Variants in CCSER1 observed in about 807,000 individuals in gnomAD.
CCSER1 encodes serine-rich coiled-coil domain-containing protein 1.
In CCSER1, 41 loss-of-function variants were observed where a neutral mutation model predicts 82.0. The ratio of observed to expected loss-of-function variants is 0.50; its 90% CI spans 0.39 to 0.65. The LOEUF is 0.65. Ranked by LOEUF, CCSER1 falls within the 30% of genes least tolerant of loss-of-function variation. CCSER1 has a pLI of 0.00. For missense variants in CCSER1, 1,119 were observed against 1,064.2 expected, an observed-to-expected ratio of 1.05 and a Z score of -0.72; for synonymous variants, 414 against 383.9, an observed-to-expected ratio of 1.08 and a Z score of -0.92.
chr4:90,782,362 CTG>C lies in CCSER1; in HGVS notation c.2011-33397_2011-33396del, dbSNP rs1312325454. The stretch of plus-strand genomic sequence containing the variant: ...AATTAATATTTATTGAACTCCTTCT[CTG>C]TGAAAATTATTGGACTAGATGATTT... On this transcript the variant is annotated intron_variant, in intron 7 of 10. Transcript: ENST00000509176. 3.3e-5 allele frequency among the ~76,000 whole-genome samples: 5 copies of C among 152,280 alleles called. No homozygotes were observed. The South Asian group carries it at 8.3e-4, about 25-fold the overall frequency.
At chr4:91,013,475 T>C (rs1390825597) in intron 9 of CCSER1, among the ~76,000 whole-genome samples, 3 of 133,668 alleles carry the variant, frequency 2.2e-5, no homozygotes, top group African/African-American at 7.4e-5. Flanking sequence ...TTTAACATTG[T>C]AATATGATTT....
At chr4:91,327,575 G>T (rs1222884297) in intron 10 of CCSER1, among the ~76,000 whole-genome samples, 1 of 152,204 alleles carries the variant, frequency 6.6e-6, no homozygotes, top group Non-Finnish European at 1.5e-5. Flanking sequence ...TTTCCCCATT[G>T]TCTTGGCTTT....
At chr4:90,690,196 G>A (rs560998741) in intron 6 of CCSER1, among the ~76,000 whole-genome samples, 22 of 152,068 alleles carry the variant, frequency 1.4e-4, no homozygotes, top group South Asian at 8.3e-4. Context: ...AGTGTGATAC[G>A]TGCAATAATA....
At chr4:90,140,738 C>G (rs771190890) in intron 1 of CCSER1, among the ~76,000 whole-genome samples, 2 of 133,712 alleles carry the variant, frequency 1.5e-5, no homozygotes, top group Admixed American at 8.6e-5. Flanking sequence ...GATCTTGGCT[C>G]ACTGTAACCT....
At chr4:90,810,575 G>A (rs951467342) in intron 7 of CCSER1, among the ~76,000 whole-genome samples, 2 of 151,852 alleles carry the variant, frequency 1.3e-5, no homozygotes, top group Non-Finnish European at 2.9e-5. Flanking sequence ...AACCTGGGAG[G>A]CAGATGTTGC....
chr4:91,450,898 A>G (rs115090479), intron 10 of CCSER1, among the ~76,000 whole-genome samples: 1,922 of 152,038 alleles, frequency 0.013, 44 homozygotes, highest in African/African-American at 0.044. Flanking sequence ...CAGGATGGGA[A>G]AAAAGTTGTA....
chr4:91,441,824 A>G (rs999235193), intron 10 of CCSER1, among the ~76,000 whole-genome samples: 1 of 134,216 alleles, frequency 7.5e-6, no homozygotes, highest in African/African-American at 2.8e-5. Flanking sequence ...TTATACACCA[A>G]TAACAGACAC....
rs539421988 is a variant in CCSER1, at chr4:91,310,090, A to G, written c.2217+224096A>G. Among the ~76,000 whole-genome samples the G allele has an allele frequency of 1.9e-3, 290 of 152,058 alleles. 2 individuals carry two copies. Among genetic ancestry groups the G allele is most frequent in the Non-Finnish European group, 1.6e-3 (107 of 67,954 alleles). ...TGTCTCTCTCCAAATTTACCTTTTT[A>G]ATAAAAACACTAGTCATATTAGAGC... On this transcript the variant is annotated intron_variant, in intron 10 of 10. Transcript: ENST00000509176.
At chr4:90,319,622 A>C (rs1736767923) in intron 3 of CCSER1, among the ~76,000 whole-genome samples, 1 of 141,832 alleles carries the variant, frequency 7.1e-6, no homozygotes, top group South Asian at 2.5e-4. Context: ...ACTGCACTAC[A>C]GTCTGGGCAA....
chr4:90,517,793 G>A (rs979494118), intron 5 of CCSER1, among the ~76,000 whole-genome samples: 4 of 152,122 alleles, frequency 2.6e-5, no homozygotes, highest in African/African-American at 9.7e-5. Flanking sequence ...GCTCGCACTT[G>A]TGTTATCCCA....
At chr4:91,114,154 T>C (rs895583590) in intron 10 of CCSER1, among the ~76,000 whole-genome samples, 1 of 152,158 alleles carries the variant, frequency 6.6e-6, no homozygotes, top group African/African-American at 2.4e-5. Context: ...GCCCAGCCAA[T>C]AGCTACTATT....
intron 6 of CCSER1, among the ~76,000 whole-genome samples, chr4:90,647,303 C>T (rs1156424736): frequency 6.6e-6 from 1 of 152,260 alleles, no homozygotes; most frequent in East Asian, 1.9e-4. Flanking sequence ...GAGAGTAAGA[C>T]ATGGACAGAG....
rs554177921 is a variant in CCSER1 at position 90,584,081 on chromosome 4, A to G, written c.1725-43944A>G. 9.9e-4 allele frequency among the ~76,000 whole-genome samples: 150 copies of G among 152,268 alleles called. 2 individuals are homozygous for G. Among genetic ancestry groups the G allele is most frequent in the African/African-American group, 3.5e-3 (146 of 41,568 alleles). Reference sequence around the variant, plus strand: ...CTCCATTCCCTGGTGTACATACCCTATGTAATTCCCTAGGACTGTGAAATA... The same window carrying G: ...CTCCATTCCCTGGTGTACATACCCTGTGTAATTCCCTAGGACTGTGAAATA... On this transcript the variant is annotated intron_variant, in intron 5 of 10. Coordinates refer to ENST00000509176, the MANE Select transcript of CCSER1 (RefSeq NM_001145065.2).
intron 8 of CCSER1, among the ~76,000 whole-genome samples, chr4:90,855,769 T>C (rs983489481): frequency 4.6e-5 from 7 of 152,122 alleles, no homozygotes; most frequent in African/African-American, 1.7e-4. Flanking sequence ...AAGAAATAAT[T>C]ATTTGAAATC....
intron 5 of CCSER1, among the ~76,000 whole-genome samples, chr4:90,623,489 G>A (rs1722733775): frequency 6.6e-6 from 1 of 152,198 alleles, no homozygotes; most frequent in Non-Finnish European, 1.5e-5. Context: ...GGTTTTGTGA[G>A]AGAGACAGTT....
At chr4:90,267,414 A>G (rs1031042615) in intron 1 of CCSER1, among the ~76,000 whole-genome samples, 1 of 152,074 alleles carries the variant, frequency 6.6e-6, no homozygotes, top group Non-Finnish European at 1.5e-5. Context: ...GGGCCTGGGG[A>G]CCTTGCAACC....
At chr4:90,288,553 C>G (rs114029658) in intron 1 of CCSER1, among the ~76,000 whole-genome samples, 1,632 of 152,082 alleles carry the variant, frequency 0.011, 14 homozygotes, top group African/African-American at 0.023. Flanking sequence ...TCTGAATCCT[C>G]TGTGCCTGGA....
intron 6 of CCSER1, among the ~76,000 whole-genome samples, chr4:90,687,226 T>G (rs1283412653): frequency 6.6e-6 from 1 of 152,194 alleles, no homozygotes; most frequent in African/African-American, 2.4e-5. Context: ...TCAAGTAGCT[T>G]ACTTTATTTT....
At chr4:91,316,003 T>C (rs1745804264) in intron 10 of CCSER1, among the ~76,000 whole-genome samples, 1 of 151,962 alleles carries the variant, frequency 6.6e-6, no homozygotes, top group South Asian at 2.1e-4. Flanking sequence ...TTTTTTCCCA[T>C]GCTGTTCTCA....
Sources: allele counts gnomAD v4.1 joint callset (sites outside exome capture counted in the v4.1 genomes callset), GRCh38; gene constraint gnomAD v4.1.1; transcripts MANE v1.5; gene names NCBI Gene and HGNC (gene_info 2026-07-23, HGNC 2026-07-21).